CHRNA3: variants seen among roughly 807,000 people sequenced by gnomAD.
CHRNA3 encodes neuronal acetylcholine receptor subunit alpha-3.
CHRNA3 carries 34 observed loss-of-function variants against 41.9 expected under a neutral mutation model. That is an observed-to-expected ratio of 0.81 (90% CI 0.62 to 1.08). CHRNA3 has a LOEUF of 1.08. Among genes scored for constraint, CHRNA3 ranks in the 50% least tolerant of loss-of-function variants. The probability of loss-of-function intolerance (pLI) is 0.00; values close to 1 mark genes in which losing one functional copy is unlikely to be tolerated. For missense variants in CHRNA3, 542 were observed against 638.3 expected, an observed-to-expected ratio of 0.85 and a Z score of 1.63; for synonymous variants, 281 against 265.2, an observed-to-expected ratio of 1.06 and a Z score of -0.58.
chr15:78,616,521 T>C (rs1050691207), intron 4 of CHRNA3, among the ~76,000 whole-genome samples: 1 of 152,138 alleles, frequency 6.6e-6, no homozygotes, highest in Non-Finnish European at 1.5e-5. Context: ...CCTGTCTGTT[T>C]GCACAGAGCT....
Position 78,596,626 on chromosome 15 carries a change from AG to A in CHRNA3, c.1495del (p.Leu499Ter), listed in dbSNP as rs759986717. On this transcript the variant is annotated frameshift_variant, in exon 6 of 6. Coordinates refer to ENST00000326828, the MANE Select transcript of CHRNA3 (RefSeq NM_000743.5). LOFTEE classifies it high-confidence loss of function. ...TGCTTATGCATCTTCCCTGGCCATC[AG>A]GGGTTGCAGAAACAATCCTGCTGTC... ...LGTAGLFLQP[L>X]MAREDA 5.2e-5 allele frequency: 83 copies of A among 1,607,704 alleles called. No homozygotes were observed. Among genetic ancestry groups the A allele is most frequent in the Admixed American group, 6.9e-5 (4 of 57,736 alleles).
At chr15:78,613,779 A>AC (rs2053420924) in intron 4 of CHRNA3, among the ~76,000 whole-genome samples, 1 of 23,070 alleles carries the variant, frequency 4.3e-5, no homozygotes, top group South Asian at 1.9e-3. Context: ...AAAAAAACCA[A>AC]AAAAAACCAC....
Position 78,595,950 on chromosome 15 carries a change from A to G in CHRNA3, c.*654T>C, listed in dbSNP as rs186138817. On this transcript the variant is annotated 3_prime_UTR_variant, in exon 6 of 6. Coordinates refer to ENST00000326828, the MANE Select transcript of CHRNA3 (RefSeq NM_000743.5). ...AAATTTGCTGGTGCCTTGACCTTGG[A>G]CCTCCCAACCTCCAAAACTGAGAAG... is the stretch of plus-strand genomic sequence containing the variant. 2 of 670,670 alleles carry G rather than the reference A, an allele frequency of 3.0e-6. No individual in the cohort carries two copies. The highest frequency in any genetic ancestry group is 2.0e-5 in the African/African-American group (1 of 50,524). The allele number at this position is 670,670 out of a possible 1,614,324, so 41.5% of individuals were successfully genotyped here. A position where few individuals can be genotyped will look rare whatever the true frequency, so the allele number is the denominator to read the frequency against.
chr15:78,613,701 C>A (rs536997845), intron 4 of CHRNA3, among the ~76,000 whole-genome samples: 1 of 150,458 alleles, frequency 6.6e-6, no homozygotes, highest in African/African-American at 2.4e-5. Context: ...GCACATGTAC[C>A]CTAAAACTTA....
chr15:78,608,935 G>A (rs2053340670), intron 4 of CHRNA3, among the ~76,000 whole-genome samples: 1 of 152,242 alleles, frequency 6.6e-6, no homozygotes, highest in Non-Finnish European at 1.5e-5. Context: ...CGTGAAGAAT[G>A]CAGAAGCCTC....
chr15:78,603,653 AGG>A (rs1327210315), intron 4 of CHRNA3, among the ~76,000 whole-genome samples: 1 of 152,106 alleles, frequency 6.6e-6, no homozygotes, highest in Non-Finnish European at 1.5e-5. Context: ...TGAAAACAGA[AGG>A]GGAATGTTGT....
intron 4 of CHRNA3, among the ~76,000 whole-genome samples, chr15:78,613,081 C>T (rs191740406): frequency 1.5e-4 from 23 of 152,208 alleles, no homozygotes; most frequent in East Asian, 5.8e-4. Context: ...CAGATGCTGG[C>T]GAGGATGTGG....
Position 78,611,582 on chromosome 15 carries a change from G to A in CHRNA3, c.377+5442C>T, listed in dbSNP as rs186873689. Among the ~76,000 whole-genome samples, 1,268 of 152,232 alleles carry A rather than the reference G, an allele frequency of 8.3e-3. 11 individuals are homozygous for A. The highest frequency in any genetic ancestry group is 0.02 in the Middle Eastern group (6 of 294). On this transcript the variant is annotated intron_variant, in intron 4 of 5. Transcript: ENST00000326828. The stretch of plus-strand genomic sequence containing the variant: ...GATGGGATGTATCTCAAAATAATAA[G>A]AGCTGTCTATGAGAAACCCACAGCC...
chr15:78,601,573 T>A lies in CHRNA3; in HGVS notation c.1069A>T (p.Thr357Ser). 6.2e-7 allele frequency: 1 copy of A among 1,614,146 alleles called. No individual in the cohort carries two copies. The highest frequency in any genetic ancestry group is 8.5e-7 in the Non-Finnish European group (1 of 1,180,044). Reference sequence around the variant, plus strand: ...TTGCCCTCGTTGCTTGTTGGCCTGGTCATGAACATGACCCTGGGGAGCAGG... The same window carrying A: ...TTGCCCTCGTTGCTTGTTGGCCTGGACATGAACATGACCCTGGGGAGCAGG... The part of the protein sequence containing the change: ...LNLLPRVMFM[T>S]RPTSNEGNAQ... The change falls in exon 5 of 6, where the codon ACC becomes TCC. Residue 357 changes from threonine (T) to serine (S), a missense_variant. Physicochemically the swap from Thr to Ser is moderately conservative, Grantham distance 58 (BLOSUM62 1). Transcript: ENST00000326828.
At chr15:78,610,780 T>A (rs921377119) in intron 4 of CHRNA3, among the ~76,000 whole-genome samples, 10 of 151,872 alleles carry the variant, frequency 6.6e-5, no homozygotes, top group Non-Finnish European at 1.2e-4. Flanking sequence ...AATTAATGAA[T>A]CCAGGAGCTG....
chr15:78,601,019 G>A (rs532527594), intron 5 of CHRNA3, among the ~76,000 whole-genome samples: 4 of 152,174 alleles, frequency 2.6e-5, no homozygotes, highest in Admixed American at 2.6e-4. Flanking sequence ...CTGGCAGCCT[G>A]GTGGCTAGCT....
chr15:78,603,278 G>A (rs1000108643), intron 4 of CHRNA3, among the ~76,000 whole-genome samples: 1 of 152,228 alleles, frequency 6.6e-6, no homozygotes, highest in African/African-American at 2.4e-5. Context: ...GCCTCCCAAA[G>A]TGCTGAGATT....
chr15:78,601,387 G>C lies in CHRNA3; in HGVS notation c.1255C>G (p.Leu419Val), dbSNP rs2141325002. 6.2e-7 allele frequency: 1 copy of C among 1,614,192 alleles called. No individual in the cohort carries two copies. Among genetic ancestry groups the C allele is most frequent in the Middle Eastern group, 1.6e-4 (1 of 6,062 alleles). Residue 419 changes from leucine to valine, a missense_variant, in exon 5 of 6, where the codon CTC becomes GTC. Coordinates refer to ENST00000326828, the MANE Select transcript of CHRNA3 (RefSeq NM_000743.5). ...GATTCAGAACTAGAGCTTCTCGTGA[G>C]GTTAGCACTGAAATTGGAGATTTTT... Reference protein sequence around the residue: ...RIKISNFSANLTRSSSSESVD... With the variant: ...RIKISNFSANVTRSSSSESVD...
chr15:78,612,868 T>C (rs2053401247), intron 4 of CHRNA3, among the ~76,000 whole-genome samples: 2 of 149,248 alleles, frequency 1.3e-5, no homozygotes, highest in South Asian at 2.1e-4. Context: ...CAAACAAATT[T>C]ACAAGAAAAA....
chr15:78,619,881 AAAG>A (rs2053522322), intron 1 of CHRNA3: 1 of 152,266 alleles, frequency 6.6e-6, no homozygotes, highest in Admixed American at 6.5e-5. Flanking sequence ...CCCCAGGATG[AAAG>A]AAGGGTCCCA....
At chr15:78,611,562 G>T (rs1005581516) in intron 4 of CHRNA3, among the ~76,000 whole-genome samples, 5 of 152,042 alleles carry the variant, frequency 3.3e-5, no homozygotes, top group African/African-American at 1.2e-4. Context: ...GTATTGATGG[G>T]ATGTATCTCA....
intron 5 of CHRNA3, among the ~76,000 whole-genome samples, chr15:78,597,298 C>T (rs2053128503): frequency 6.6e-6 from 1 of 152,140 alleles, no homozygotes; most frequent in Non-Finnish European, 1.5e-5. Context: ...GGAGTGGTGG[C>T]ACATGCCTGT....
intron 2 of CHRNA3, 26 bp from the exon 3 acceptor site, chr15:78,618,687 G>A: frequency 6.2e-7 from 1 of 1,612,814 alleles, no homozygotes; most frequent in South Asian, 1.1e-5. Context: ...AAAGTTGACA[G>A]GAGAATTACA....
At chr15:78,607,840 G>A (rs1474296944) in intron 4 of CHRNA3, among the ~76,000 whole-genome samples, 1 of 152,180 alleles carries the variant, frequency 6.6e-6, no homozygotes, top group Non-Finnish European at 1.5e-5. Flanking sequence ...GGTGACAGAT[G>A]GCACCTGGAA....
Sources: allele counts gnomAD v4.1 joint callset (sites outside exome capture counted in the v4.1 genomes callset), GRCh38; gene constraint gnomAD v4.1.1; transcripts MANE v1.5; gene names NCBI Gene and HGNC (gene_info 2026-07-23, HGNC 2026-07-21).